The following ZNF207 variants were observed in gnomAD, a reference collection of about 807,000 sequenced individuals.
The protein encoded by ZNF207 is zinc finger protein 207.
ZNF207 carries 24 observed loss-of-function variants against 60.2 expected under a neutral mutation model. The ratio of observed to expected loss-of-function variants is 0.40; its 90% CI spans 0.29 to 0.56. The LOEUF (loss-of-function observed/expected upper bound fraction) is 0.56, where lower values mean the gene tolerates loss of function less well. Among genes scored for constraint, ZNF207 ranks in the 20% least tolerant of loss-of-function variants. The probability of loss-of-function intolerance (pLI) is 0.49; values close to 1 mark genes in which losing one functional copy is unlikely to be tolerated. For missense variants in ZNF207, 452 were observed against 636.6 expected (o/e 0.71, Z 3.12); for synonymous variants, 236 against 194.7 (o/e 1.21, Z -1.77).
At position 32,369,447 on chromosome 17, in the gene ZNF207, A is replaced by G. The variant is rs1597794459; in HGVS notation, c.1317A>G (p.Pro439=). The G allele has an allele frequency of 6.2e-7, 1 of 1,613,848 alleles. No individual in the cohort carries two copies. Among genetic ancestry groups the G allele is most frequent in the Non-Finnish European group, 8.5e-7 (1 of 1,179,878 alleles). The part of the protein sequence containing the change: ...PQQQGMRPPM[P]PHGQYGGHHQ... ...AACAAGGAATGAGACCCCCAATGCC[A>G]CCTCATGGTATTCCTCTTTTTATGT... The change falls in exon 11 of 12, where the codon CCA becomes CCG. Residue 439 remains proline (P), a synonymous_variant. Transcript: ENST00000394670.
chr17:32,378,716 C>G lies in ZNF207; in HGVS notation c.*8957C>G, dbSNP rs1390306678. ...ATTTTTATTTTTTTTTTATTCTACC[C>G]GAGTTCATTGTTGTTTGAACCATCC... On this transcript the variant is annotated 3_prime_UTR_variant, in exon 12 of 12. Coordinates refer to ENST00000394670, the MANE Select transcript of ZNF207 (RefSeq NM_001098507.2). 6.6e-6 allele frequency: 1 copy of G among 151,666 alleles called. No homozygotes were observed. Among genetic ancestry groups the G allele is most frequent in the Admixed American group, 6.6e-5 (1 of 15,222 alleles). 9.4% of individuals were successfully genotyped at this position (151,666 alleles called of 1,614,324 possible).
In ZNF207 at chr17:32,377,390, GT is replaced by G. The variant is rs533606875; in HGVS notation, c.*7633del. On this transcript the variant is annotated 3_prime_UTR_variant, in exon 12 of 12. Coordinates refer to ENST00000394670, the MANE Select transcript of ZNF207 (RefSeq NM_001098507.2). ...GTGGAGCAAGGGAAGAGTTACTACA[GT>G]TACTGTAAGTCTGAGTTAGAAAAAA... 298 of 152,064 alleles carry G rather than the reference GT, an allele frequency of 2.0e-3. 2 individuals carry two copies. Among genetic ancestry groups the G allele is most frequent in the African/African-American group, 6.9e-3 (285 of 41,536 alleles). The allele number at this position is 152,064 out of a possible 1,614,324, so 9.4% of individuals were successfully genotyped here. A position where few individuals can be genotyped will look rare whatever the true frequency, so the allele number is the denominator to read the frequency against.
At position 32,378,152 on chromosome 17, in the gene ZNF207, C is replaced by T. The variant is rs1190297837; in HGVS notation, c.*8393C>T. ...GCCAAAGTAGATCTAGGTTTGCTAACCCCAGTTGTAATAAAGGTGTAATAC... is the reference window on the plus strand; with the variant it reads ...GCCAAAGTAGATCTAGGTTTGCTAATCCCAGTTGTAATAAAGGTGTAATAC... On this transcript the variant is annotated 3_prime_UTR_variant, in exon 12 of 12. Transcript: ENST00000394670. 6.6e-6 allele frequency: 1 copy of T among 152,190 alleles called. No individual in the cohort carries two copies. The highest frequency in any genetic ancestry group is 2.4e-5 in the African/African-American group (1 of 41,406). 9.4% of individuals were successfully genotyped at this position (152,190 alleles called of 1,614,324 possible).
rs1286351606 is a variant in ZNF207 at position 32,371,093 on chromosome 17, A to T, written c.*1334A>T. 2 of 152,278 alleles carry T rather than the reference A, an allele frequency of 1.3e-5. No homozygotes were observed. The highest frequency in any genetic ancestry group is 3.9e-4 in the East Asian group (2 of 5,182). 9.4% of individuals were successfully genotyped at this position (152,278 alleles called of 1,614,324 possible). A position where few individuals can be genotyped will look rare whatever the true frequency, so the allele number is the denominator to read the frequency against. ...TCAATATTTTGTGTTGCAACCTCTTAAAATAATAGCTCTTGTTGACCTTTT... is the reference window on the plus strand; with the variant it reads ...TCAATATTTTGTGTTGCAACCTCTTTAAATAATAGCTCTTGTTGACCTTTT... On this transcript the variant is annotated 3_prime_UTR_variant, in exon 12 of 12. Transcript: ENST00000394670.
rs145115263 is a variant in ZNF207 at position 32,360,342 on chromosome 17, T to C, written c.308-256T>C. 7.2e-3 allele frequency among the ~76,000 whole-genome samples: 1,095 copies of C among 152,166 alleles called. 12 individuals are homozygous for C. Among genetic ancestry groups the C allele is most frequent in the African/African-American group, 0.023 (966 of 41,508 alleles). On this transcript the variant is annotated intron_variant, in intron 3 of 11. Coordinates refer to ENST00000394670, the MANE Select transcript of ZNF207 (RefSeq NM_001098507.2). ...TACAGCCTGCATCGCAGAGCAAGAC[T>C]TTACTAAAAATTTAAAAGAAAAAAT...
At chr17:32,368,566 C>T (rs1905305925) in intron 10 of ZNF207, 1 of 154,556 alleles carries the variant, frequency 6.5e-6, no homozygotes. Context: ...TGGCGGGCAC[C>T]TGTAATCCCA....
At chr17:32,368,427 TGTG>T (rs1905298491) in intron 10 of ZNF207, 1 of 182,978 alleles carries the variant, frequency 5.5e-6, no homozygotes, top group African/African-American at 2.4e-5. Flanking sequence ...AATGGCCAGG[TGTG>T]GTGGCTCACG....
chr17:32,368,990 T>C (rs1482235810), intron 10 of ZNF207: 1 of 235,126 alleles, frequency 4.3e-6, no homozygotes, highest in Non-Finnish European at 8.4e-6. Flanking sequence ...GGACAATGAG[T>C]GAAACCCCGT....
intron 2 of ZNF207, 148 bp downstream of exon 2, chr17:32,352,060 C>G (rs571248779): frequency 1.6e-5 from 11 of 701,148 alleles, no homozygotes; most frequent in Admixed American, 3.6e-5. Context: ...CTCTGCCTCT[C>G]GGGTTCAAGC....
rs759532200 is a variant in ZNF207, at chr17:32,381,616, G to A, written c.*11857G>A. On this transcript the variant is annotated 3_prime_UTR_variant, in exon 12 of 12. Coordinates refer to ENST00000394670, the MANE Select transcript of ZNF207 (RefSeq NM_001098507.2). ...TAGCCATGTAATTAGAACTCACAAG[G>A]GGCATTGAAATGTTTTTCTTTTTCA... The A allele has an allele frequency of 7.9e-5, 12 of 152,116 alleles. No individual in the cohort carries two copies. The highest frequency in any genetic ancestry group is 1.3e-4 in the Admixed American group (2 of 15,274). 9.4% of individuals were successfully genotyped at this position (152,116 alleles called of 1,614,324 possible). A position where few individuals can be genotyped will look rare whatever the true frequency, so the allele number is the denominator to read the frequency against.
rs563559156 is a variant in ZNF207, at chr17:32,377,590, G to A, written c.*7831G>A. ...CTTTTAAAAATTGCTTGTCTTTGGGGGTATGTCTACATATTCGTTTAAATT... is the reference window on the plus strand; with the variant it reads ...CTTTTAAAAATTGCTTGTCTTTGGGAGTATGTCTACATATTCGTTTAAATT... On this transcript the variant is annotated 3_prime_UTR_variant, in exon 12 of 12. Transcript: ENST00000394670. 6.6e-6 allele frequency: 1 copy of A among 151,634 alleles called. No homozygotes were observed. Among genetic ancestry groups the A allele is most frequent in the African/African-American group, 2.4e-5 (1 of 41,318 alleles). 9.4% of individuals were successfully genotyped at this position (151,634 alleles called of 1,614,324 possible).
intron 2 of ZNF207, among the ~76,000 whole-genome samples, chr17:32,352,169 C>A (rs937244710): frequency 2.6e-5 from 4 of 152,134 alleles, no homozygotes; most frequent in East Asian, 1.9e-4. Context: ...GGGGTTTCAC[C>A]ATGTTGGCCA....
chr17:32,361,003 G>T, intron 5 of ZNF207, 36 bp downstream of exon 5: 1 of 1,595,070 alleles, frequency 6.3e-7, no homozygotes, highest in Non-Finnish European at 8.6e-7. Flanking sequence ...GTAGGCTTGT[G>T]CCTAGTAATG....
rs1259596442 is a variant in ZNF207, at chr17:32,361,089, A to G, written c.551+122A>G. The G allele has an allele frequency of 8.1e-6, 8 of 983,144 alleles. No homozygotes were observed. In the East Asian group the frequency reaches 1.0e-4, roughly 13 times the overall value. 60.9% of individuals were successfully genotyped at this position (983,144 alleles called of 1,614,324 possible). ...TGCTTCTAGAAGGTATGGGCTCTAT[A>G]TATCTTGTCTAATAAAGGGATCAAC... On this transcript the variant is annotated intron_variant, in intron 5 of 11. Transcript: ENST00000394670.
intron 7 of ZNF207, among the ~76,000 whole-genome samples, chr17:32,364,953 A>G (rs1323407159): frequency 6.6e-6 from 1 of 152,190 alleles, no homozygotes; most frequent in Admixed American, 6.5e-5. Flanking sequence ...TGTTCATGAT[A>G]TTTGATTCAT....
intron 2 of ZNF207, among the ~76,000 whole-genome samples, chr17:32,352,582 T>G (rs2041527612): frequency 6.6e-6 from 1 of 152,256 alleles, no homozygotes; most frequent in Non-Finnish European, 1.5e-5. Context: ...AATTAATACT[T>G]AATTAGCAGT....
At chr17:32,350,367 C>G (rs192426798) in intron 1 of ZNF207, 41 bp downstream of exon 1, 8 of 1,613,210 alleles carry the variant, frequency 5.0e-6, no homozygotes, top group Non-Finnish European at 6.8e-6. Flanking sequence ...CGTTGGGGTG[C>G]CGGTTGTTGG....
chr17:32,367,843 A>C lies in ZNF207; in HGVS notation c.993A>C (p.Thr331=), dbSNP rs1905274001. The C allele has an allele frequency of 6.2e-7, 1 of 1,614,074 alleles. No homozygotes were observed. The highest frequency in any genetic ancestry group is 8.5e-7 in the Non-Finnish European group (1 of 1,180,036). ...TAAATAGTACCCCTGCAACAACTAC[A>C]GAACCCCCAAAGCCTACATTCCCTG... ...KPLNSTPATT[T]EPPKPTFPAY... Residue 331 remains threonine, a synonymous_variant, in exon 10 of 12, where the codon ACA becomes ACC. Coordinates refer to ENST00000394670, the MANE Select transcript of ZNF207 (RefSeq NM_001098507.2).
rs374874426 is a variant in ZNF207, at chr17:32,360,888, G to C, written c.476-4G>C. The C allele has an allele frequency of 2.2e-5, 35 of 1,614,038 alleles. No individual in the cohort carries two copies. Among genetic ancestry groups the C allele is most frequent in the Non-Finnish European group, 2.9e-5 (34 of 1,179,982 alleles). On this transcript the variant is annotated splice_polypyrimidine_tract_variant and splice_region_variant and intron_variant, in intron 4 of 11. Transcript: ENST00000394670. Reference sequence around the variant, plus strand: ...ATTATTTTGATTGAAATTCTTGCTTGTAGGCATACCTCCATTAATGCCAGG... The same window carrying C: ...ATTATTTTGATTGAAATTCTTGCTTCTAGGCATACCTCCATTAATGCCAGG...
Sources: allele counts gnomAD v4.1 joint callset (sites outside exome capture counted in the v4.1 genomes callset), GRCh38; gene constraint gnomAD v4.1.1; transcripts MANE v1.5; gene names NCBI Gene and HGNC (gene_info 2026-07-23, HGNC 2026-07-21).